The following SLC2A9 variants were observed in gnomAD, a reference collection of about 807,000 sequenced individuals.
SLC2A9 encodes the protein solute carrier family 2, facilitated glucose transporter member 9.
SLC2A9 carries 39 observed loss-of-function variants against 50.6 expected under a neutral mutation model. The ratio of observed to expected loss-of-function variants is 0.77; its 90% CI spans 0.60 to 1.01. The LOEUF is 1.01. SLC2A9 is among the 50% of genes least tolerant of loss of function. SLC2A9 has a pLI of 0.00. For missense variants in SLC2A9, 686 were observed against 677.6 expected, an observed-to-expected ratio of 1.01 and a Z score of -0.14; for synonymous variants, 324 against 276.9, an observed-to-expected ratio of 1.17 and a Z score of -1.69.
intron 4 of SLC2A9, among the ~76,000 whole-genome samples, chr4:9,984,788 C>T (rs1756436728): frequency 6.6e-6 from 1 of 152,220 alleles, no homozygotes; most frequent in Admixed American, 6.5e-5. Context: ...TCTGATTCCA[C>T]TCCTGGCTTC....
At chr4:9,870,210 G>C (rs1224839164) in intron 10 of SLC2A9, among the ~76,000 whole-genome samples, 1 of 152,252 alleles carries the variant, frequency 6.6e-6, no homozygotes, top group Admixed American at 6.5e-5. Context: ...AGAACACATT[G>C]CTGTCATTTG....
intron 3 of SLC2A9, among the ~76,000 whole-genome samples, chr4:9,993,785 G>A (rs1273241120): frequency 6.6e-6 from 1 of 152,142 alleles, no homozygotes; most frequent in African/African-American, 2.4e-5. Context: ...ACTCCAAGAG[G>A]TGAGGAACCT....
At chr4:9,879,551 G>T (rs1441257846) in intron 10 of SLC2A9, 3 of 985,246 alleles carry the variant, frequency 3.0e-6, no homozygotes, top group Non-Finnish European at 3.6e-6. Context: ...AGTCTTTCCA[G>T]AGGGGTCCTT....
At chr4:9,888,106 G>GGGCCT (rs140391260) in intron 9 of SLC2A9, among the ~76,000 whole-genome samples, 6,882 of 147,370 alleles carry the variant, frequency 0.047, 485 homozygotes, top group East Asian at 0.22. Context: ...TCACATGCTG[G>GGGCCT]GGCCTGTTTT....
At position 9,887,617 on chromosome 4, in the gene SLC2A9, A is replaced by G. The variant is rs771735303; in HGVS notation, c.1241T>C (p.Leu414Pro). ...LQDHAPWVPY[L>P]SIVGILAIIA... ...GATGGCCAGAATGCCCACGATACTC[A>G]GGTAGGGGACCCAGGGGGCGTGGTC... The change falls in exon 10 of 12, where the codon CTG (leucine) becomes CCG (proline). Residue 414 changes from leucine to proline, a missense_variant. Coordinates refer to ENST00000264784, the MANE Select transcript of SLC2A9 (RefSeq NM_020041.3). 1.9e-5 allele frequency: 29 copies of G among 1,562,972 alleles called. No homozygotes were observed. In the South Asian group the frequency reaches 3.3e-4, roughly 18 times the overall value.
chr4:9,943,853 G>A (rs994756222), intron 5 of SLC2A9, among the ~76,000 whole-genome samples: 4 of 152,118 alleles, frequency 2.6e-5, no homozygotes, highest in East Asian at 1.9e-4. Flanking sequence ...ACCACGTGCC[G>A]GATGTGATGT....
At chr4:9,812,809 T>G (rs1035302044) in intron 3 of SLC2A9, among the ~76,000 whole-genome samples, 1 of 152,192 alleles carries the variant, frequency 6.6e-6, no homozygotes, top group Non-Finnish European at 1.5e-5. Context: ...CTTTATTACT[T>G]CCAAGCTCTA....
chr4:9,792,825 T>C (rs1401644826), intron 3 of SLC2A9: 1 of 276 alleles, frequency 3.6e-3, no homozygotes, highest in Non-Finnish European at 5.6e-3. Flanking sequence ...CAAGATCAGA[T>C]GAGATTGGGG....
chr4:9,899,456 A>C (rs900709511), intron 8 of SLC2A9, among the ~76,000 whole-genome samples: 3 of 152,196 alleles, frequency 2.0e-5, no homozygotes, highest in Non-Finnish European at 4.4e-5. Flanking sequence ...CTTTACTTTC[A>C]CAGATCTCTC....
chr4:9,822,468 G>A (rs1487130302), downstream of SLC2A9, among the ~76,000 whole-genome samples: 1 of 151,704 alleles, frequency 6.6e-6, no homozygotes, highest in Non-Finnish European at 1.5e-5. Flanking sequence ...AATTCCTCTT[G>A]TTTCAAAATC....
At chr4:9,851,243 C>A (rs1167532403) in intron 10 of SLC2A9, among the ~76,000 whole-genome samples, 1 of 152,130 alleles carries the variant, frequency 6.6e-6, no homozygotes, top group Non-Finnish European at 1.5e-5. Flanking sequence ...CTTGAGGGGC[C>A]AGAGAACAAA....
rs1006573018 is a variant in SLC2A9, at chr4:9,903,757, A to G, written c.1113+4478T>C. Among the ~76,000 whole-genome samples, 33 of 150,332 alleles carry G rather than the reference A, an allele frequency of 2.2e-4. 1 individual carries two copies. Among genetic ancestry groups the G allele is most frequent in the Admixed American group, 6.6e-5 (1 of 15,076 alleles). ...ATAGACATATATTTGTGTGTTTATTACATATGTAACTGTATATATATAAAT... is the reference window on the plus strand; with the variant it reads ...ATAGACATATATTTGTGTGTTTATTGCATATGTAACTGTATATATATAAAT... On this transcript the variant is annotated intron_variant, in intron 8 of 11. Transcript: ENST00000264784.
intron 3 of SLC2A9, chr4:9,782,181 T>A (rs1249343921): frequency 6.2e-7 from 1 of 1,603,086 alleles, no homozygotes. Flanking sequence ...ACCCTACTCA[T>A]CATCTGGACC....
At chr4:9,884,628 G>C (rs1259827767) in intron 10 of SLC2A9, among the ~76,000 whole-genome samples, 2 of 152,000 alleles carry the variant, frequency 1.3e-5, no homozygotes, top group Non-Finnish European at 2.9e-5. Flanking sequence ...TAAAAACCTG[G>C]TTCTCAGAAA....
intron 10 of SLC2A9, among the ~76,000 whole-genome samples, chr4:9,883,734 A>C (rs533758364): frequency 6.6e-6 from 1 of 152,328 alleles, no homozygotes; most frequent in Admixed American, 6.5e-5. Flanking sequence ...CCCAGTCCAC[A>C]TCTTACAGCT....
chr4:9,879,024 G>A, intron 10 of SLC2A9: 1 of 984,840 alleles, frequency 1.0e-6, no homozygotes, highest in Non-Finnish European at 1.2e-6. Flanking sequence ...ATGAATTCAT[G>A]AAAAATACAA....
At chr4:9,935,264 A>G (rs1746857280) in intron 6 of SLC2A9, among the ~76,000 whole-genome samples, 1 of 152,212 alleles carries the variant, frequency 6.6e-6, no homozygotes, top group Admixed American at 6.5e-5. Flanking sequence ...ACTAATTTAC[A>G]TTCCCACCAA....
intron 11 of SLC2A9, among the ~76,000 whole-genome samples, chr4:9,832,471 C>A (rs1027321344): frequency 1.3e-5 from 2 of 152,162 alleles, no homozygotes; most frequent in Non-Finnish European, 2.9e-5. Context: ...TATGTCCAGC[C>A]TGGCTGTTCC....
intron 6 of SLC2A9, 152 bp downstream of exon 6, chr4:9,941,761 T>C: frequency 1.8e-6 from 2 of 1,099,920 alleles, no homozygotes; most frequent in Non-Finnish European, 1.3e-6. Context: ...GAAGATGAAA[T>C]GAGAAGGTAC....
Sources: gnomAD v4.1 joint callset for allele counts (sites outside exome capture counted in the v4.1 genomes callset) on GRCh38, gnomAD v4.1.1 for gene constraint, MANE v1.5 for transcripts, NCBI Gene and HGNC (gene_info 2026-07-23, HGNC 2026-07-21) for gene names.